LHFPL3: variants seen among roughly 807,000 people sequenced by gnomAD.
LHFPL3 encodes the protein LHFPL tetraspan subfamily member 3, also known as LHFPL tetraspan subfamily member 3 protein.
Under a neutral mutation model 19.3 loss-of-function variants are expected in LHFPL3, and 5 were observed. That is an observed-to-expected ratio of 0.26 (90% CI 0.14 to 0.54). The LOEUF (loss-of-function observed/expected upper bound fraction) is 0.54. Among genes scored for constraint, LHFPL3 ranks in the 20% least tolerant of loss-of-function variants. The probability of loss-of-function intolerance (pLI) is 0.94; values close to 1 mark genes in which losing one functional copy is unlikely to be tolerated. For missense variants in LHFPL3, 249 were observed against 307.4 expected (o/e 0.81, Z 1.42); for synonymous variants, 133 against 126.2 (o/e 1.05, Z -0.36).
At chr7:104,623,349 G>C (rs1161540348) in intron 1 of LHFPL3, among the ~76,000 whole-genome samples, 1 of 152,084 alleles carries the variant, frequency 6.6e-6, no homozygotes, top group African/African-American at 2.4e-5. Flanking sequence ...ATCTTCAAAG[G>C]CTGGGTGCAG....
chr7:104,577,885 A>G (rs1017131731), intron 1 of LHFPL3, among the ~76,000 whole-genome samples: 9 of 152,224 alleles, frequency 5.9e-5, no homozygotes, highest in Non-Finnish European at 1.5e-5. Context: ...GCATCTCCAC[A>G]GTAATACAGA....
In LHFPL3 at chr7:104,424,488, A is replaced by G. The variant is rs115707447; in HGVS notation, c.445+95264A>G. ...GAAGGTTATGTAAGACCACAGAAAGATGTAATATAAATGCAGACTATCTGA... is the reference window on the plus strand; with the variant it reads ...GAAGGTTATGTAAGACCACAGAAAGGTGTAATATAAATGCAGACTATCTGA... On this transcript the variant is annotated intron_variant, in intron 1 of 2. Coordinates refer to ENST00000424859, the MANE Select transcript of LHFPL3 (RefSeq NM_199000.3). Among the ~76,000 whole-genome samples, 1,069 of 152,344 alleles carry G rather than the reference A, an allele frequency of 7.0e-3. 9 individuals carry two copies. The highest frequency in any genetic ancestry group is 0.025 in the African/African-American group (1,021 of 41,582).
chr7:104,359,811 A>C (rs1049845875), intron 1 of LHFPL3, among the ~76,000 whole-genome samples: 5 of 152,286 alleles, frequency 3.3e-5, no homozygotes, highest in Non-Finnish European at 5.9e-5. Context: ...GGCATGCTCC[A>C]GTCGGGCTGG....
intron 2 of LHFPL3, among the ~76,000 whole-genome samples, chr7:104,828,593 A>G (rs1440833785): frequency 6.6e-6 from 1 of 151,966 alleles, no homozygotes; most frequent in Non-Finnish European, 1.5e-5. Flanking sequence ...TGGAGGAGGA[A>G]GGCAGCAAAG....
chr7:104,769,532 A>G (rs1299218462), intron 2 of LHFPL3, among the ~76,000 whole-genome samples: 1 of 152,164 alleles, frequency 6.6e-6, no homozygotes, highest in Non-Finnish European at 1.5e-5. Flanking sequence ...ATAGGTATAC[A>G]CGTGCCATGG....
chr7:104,415,879 T>C (rs185673874), intron 1 of LHFPL3, among the ~76,000 whole-genome samples: 49 of 152,274 alleles, frequency 3.2e-4, no homozygotes, highest in African/African-American at 1.0e-3. Context: ...TCACAGAGCA[T>C]GAAGTGTAAG....
rs140204584 is a variant in LHFPL3, at chr7:104,767,427, C to T, written c.682+30516C>T. 2.3e-4 allele frequency among the ~76,000 whole-genome samples: 35 copies of T among 152,326 alleles called. No individual in the cohort carries two copies. In the East Asian group the frequency reaches 6.0e-3, roughly 26 times the overall value. On this transcript the variant is annotated intron_variant, in intron 2 of 2. Transcript: ENST00000424859. Reference sequence around the variant, plus strand: ...GGAACAGCCAGAGGAATCACCCCACCTCCGATATCATGTGATCCACAGAAG... The same window carrying T: ...GGAACAGCCAGAGGAATCACCCCACTTCCGATATCATGTGATCCACAGAAG...
At chr7:104,774,546 G>A (rs1168977457) in intron 2 of LHFPL3, among the ~76,000 whole-genome samples, 1 of 152,176 alleles carries the variant, frequency 6.6e-6, no homozygotes, top group South Asian at 2.1e-4. Context: ...CAGAGAGAAA[G>A]GATCTTTGCA....
intron 1 of LHFPL3, among the ~76,000 whole-genome samples, chr7:104,651,064 G>A (rs966535547): frequency 8.5e-5 from 13 of 152,180 alleles, no homozygotes; most frequent in African/African-American, 2.7e-4. Flanking sequence ...GCCACCGTAA[G>A]AATAAATCAG....
chr7:104,348,587 T>G (rs2116383756), intron 1 of LHFPL3, among the ~76,000 whole-genome samples: 1 of 152,346 alleles, frequency 6.6e-6, no homozygotes, highest in South Asian at 2.1e-4. Context: ...TTGTAATATT[T>G]GACCTTAACA....
At chr7:104,499,333 G>A (rs911297821) in intron 1 of LHFPL3, among the ~76,000 whole-genome samples, 1 of 152,208 alleles carries the variant, frequency 6.6e-6, no homozygotes, top group Non-Finnish European at 1.5e-5. Context: ...CAAAATGATT[G>A]ATGTCAATGT....
chr7:104,393,734 A>G (rs1346419372), intron 1 of LHFPL3, among the ~76,000 whole-genome samples: 1 of 152,174 alleles, frequency 6.6e-6, no homozygotes, highest in East Asian at 1.9e-4. Context: ...AAAAAAAATC[A>G]TATATTCATA....
At chr7:104,590,285 T>A in intron 1 of LHFPL3, among the ~76,000 whole-genome samples, 1 of 152,214 alleles carries the variant, frequency 6.6e-6, no homozygotes, top group Admixed American at 6.5e-5. Context: ...CTGCTTTAAA[T>A]GTGTCCCAGA....
At chr7:104,548,564 T>C (rs1419853371) in intron 1 of LHFPL3, among the ~76,000 whole-genome samples, 1 of 152,138 alleles carries the variant, frequency 6.6e-6, no homozygotes, top group Non-Finnish European at 1.5e-5. Context: ...GAGTATTATA[T>C]AAACAAATAC....
intron 1 of LHFPL3, among the ~76,000 whole-genome samples, chr7:104,475,974 A>G (rs1321602912): frequency 1.3e-5 from 2 of 148,738 alleles, no homozygotes; most frequent in Non-Finnish European, 3.0e-5. Flanking sequence ...ACTCTAGTCT[A>G]TTTTAGAAAT....
At chr7:104,895,126 A>G (rs147969754) in intron 2 of LHFPL3, 8 of 152,192 alleles carry the variant, frequency 5.3e-5, no homozygotes, top group Non-Finnish European at 8.8e-5. Flanking sequence ...TTCTTCTCCT[A>G]GTCATTACCA....
chr7:104,558,794 A>G (rs1173824843), intron 1 of LHFPL3, among the ~76,000 whole-genome samples: 2 of 146,056 alleles, frequency 1.4e-5, no homozygotes, highest in African/African-American at 5.5e-5. Flanking sequence ...GTTTTCTTCT[A>G]GGGTTTTTAT....
chr7:104,384,236 T>G lies in LHFPL3; in HGVS notation c.445+55012T>G, dbSNP rs148783963. 7.2e-5 allele frequency among the ~76,000 whole-genome samples: 11 copies of G among 152,196 alleles called. No individual in the cohort carries two copies. In the East Asian group the frequency reaches 1.9e-3, roughly 27 times the overall value. On this transcript the variant is annotated intron_variant, in intron 1 of 2. Coordinates refer to ENST00000424859, the MANE Select transcript of LHFPL3 (RefSeq NM_199000.3). The stretch of plus-strand genomic sequence containing the variant: ...TAATTCCAAAAATTGAGAGATTAAA[T>G]AAAAGGTTTAAGAATTAAAGAAAGA...
rs565031875 is a variant in LHFPL3, at chr7:104,446,250, T to C, written c.445+117026T>C. ...CCCTTTGATCATTTGGAATGGTCTC[T>C]TATAGGAGGAAGGGGGCAGATTGAA... On this transcript the variant is annotated intron_variant, in intron 1 of 2. Coordinates refer to ENST00000424859, the MANE Select transcript of LHFPL3 (RefSeq NM_199000.3). Among the ~76,000 whole-genome samples, 20 of 152,308 alleles carry C rather than the reference T, an allele frequency of 1.3e-4. No individual in the cohort carries two copies. In the East Asian group the frequency reaches 3.1e-3, roughly 24 times the overall value.
Sources: gnomAD v4.1 joint callset for allele counts (sites outside exome capture counted in the v4.1 genomes callset) on GRCh38, gnomAD v4.1.1 for gene constraint, MANE v1.5 for transcripts, NCBI Gene and HGNC (gene_info 2026-07-23, HGNC 2026-07-21) for gene names.